Variants in GCN1 observed in about 807,000 individuals in gnomAD.
The protein encoded by GCN1 is stalled ribosome sensor GCN1.
GCN1 carries 90 observed loss-of-function variants against 288.4 expected under a neutral mutation model. The ratio of observed to expected loss-of-function variants is 0.31; its 90% CI spans 0.26 to 0.37. The LOEUF is 0.37. Among genes scored for constraint, GCN1 ranks in the 10% least tolerant of loss-of-function variants. The pLI, the probability that GCN1 is intolerant of heterozygous loss-of-function variation, is 1.00. For synonymous variants in GCN1, 1,386 were observed against 1,420.2 expected (o/e 0.98, Z 0.54); for missense variants, 2,586 against 3,419.9 (o/e 0.76, Z 6.08).
In GCN1 at chr12:120,177,492, T is replaced by A; in HGVS notation, c.793A>T (p.Thr265Ser). The change falls in exon 9 of 58, where the codon ACC becomes TCC. Residue 265 changes from threonine (T) to serine (S), a missense_variant. By Grantham distance (58) the Thr-to-Ser change is moderately conservative. This residue lies in a region of GCN1 where 913 missense variants were observed against 1,107.0 expected (regional missense o/e 0.82). Transcript: ENST00000300648. ...HSEFKDLILP[T>S]IQKSLLRSPE... ...CTCCTCAGTAAGGACTTCTGTATGG[T>A]GGGCAGTATCAGATCCTTAAATTCT... 1 of 1,609,754 alleles carries A rather than the reference T, an allele frequency of 6.2e-7. No homozygotes were observed. The highest frequency in any genetic ancestry group is 8.5e-7 in the Non-Finnish European group (1 of 1,176,034).
intron 18 of GCN1, 80 bp from the exon 19 acceptor site, chr12:120,163,339 C>T (rs1877993022): frequency 8.7e-7 from 1 of 1,147,448 alleles, no homozygotes. Context: ...GCTACGGACA[C>T]AGCGGCCCCT....
intron 16 of GCN1, among the ~76,000 whole-genome samples, chr12:120,165,634 ATT>A (rs962171504): frequency 6.9e-6 from 1 of 144,862 alleles, no homozygotes; most frequent in Admixed American, 6.9e-5. Context: ...AGCCTGGCTA[ATT>A]TTTTTTTTTC....
At position 120,151,381 on chromosome 12, in the gene GCN1, G is replaced by A. The variant is rs767503769; in HGVS notation, c.4073C>T (p.Ser1358Phe). 1 of 1,613,534 alleles carries A rather than the reference G, an allele frequency of 6.2e-7. No homozygotes were observed. The highest frequency in any genetic ancestry group is 1.7e-5 in the Admixed American group (1 of 60,026). Residue 1358 changes from serine (S) to phenylalanine (F), a missense_variant, in exon 34 of 58, where the codon TCC (serine) becomes TTC (phenylalanine). Around this residue, in one of 8 missense-constraint regions of GCN1, gnomAD observed 332 missense variants for 403.0 expected, o/e 0.82. Coordinates refer to ENST00000300648, the MANE Select transcript of GCN1 (RefSeq NM_006836.2). ...LSTPSQQVQE[S>F]VASCLPPLVP... is the part of the protein sequence containing the mutation. ...AAGGGGTGGCAAGCAGCTGGCTACG[G>A]ACTCCTGGACCTGGGGAAGGGCCCA...
chr12:120,148,297 C>T lies in GCN1; in HGVS notation c.4596G>A (p.Leu1532=), dbSNP rs747022465. 28 of 1,614,098 alleles carry T rather than the reference C, an allele frequency of 1.7e-5. No homozygotes were observed. The East Asian group carries it at 4.2e-4, about 24-fold the overall frequency. ...GCACAATGTTGGGTAGACAGGATGA[C>T]AGCTGCTTAGGAGCACAGTACGCCA... ...GAMAYCAPKQ[L]SSCLPNIVPK... is the part of the protein sequence containing the mutation. The change falls in exon 37 of 58, where the codon CTG becomes CTA. Residue 1532 remains leucine, a synonymous_variant. Coordinates refer to ENST00000300648, the MANE Select transcript of GCN1 (RefSeq NM_006836.2).
chr12:120,151,333 G>A lies in GCN1; in HGVS notation c.4121C>T (p.Ala1374Val). ...CATAAGCCTCTGGATCATCCCTCCA[G>A]CATCCTCCTTGATGGCTGGCACAAG... Reference protein sequence around the residue: ...PPLVPAIKEDAGGMIQRLMQQ... With the variant: ...PPLVPAIKEDVGGMIQRLMQQ... Residue 1374 changes from alanine (A) to valine (V), a missense_variant, in exon 34 of 58, where the codon GCT (alanine) becomes GTT (valine). Ala to Val is a moderately conservative substitution (Grantham distance 64). Transcript: ENST00000300648. 1 of 1,613,946 alleles carries A rather than the reference G, an allele frequency of 6.2e-7. No individual in the cohort carries two copies. The highest frequency in any genetic ancestry group is 8.5e-7 in the Non-Finnish European group (1 of 1,179,912).
chr12:120,152,386 C>T (rs1273393333), intron 33 of GCN1, among the ~76,000 whole-genome samples: 1 of 117,328 alleles, frequency 8.5e-6, no homozygotes, highest in African/African-American at 4.1e-5. Flanking sequence ...CACACACACA[C>T]GCGCACACAC....
Position 120,184,514 on chromosome 12 carries a change from G to A in GCN1, c.186-271C>T, listed in dbSNP as rs1274271239. 3.3e-5 allele frequency among the ~76,000 whole-genome samples: 5 copies of A among 152,304 alleles called. No homozygotes were observed. The South Asian group carries it at 1.0e-3, about 32-fold the overall frequency. On this transcript the variant is annotated intron_variant, in intron 3 of 57. Transcript: ENST00000300648. ...ATAAGGGTCTCAAAGTAGGCCAGACGATTTAACACACATGACTAAATGGCA... is the reference window on the plus strand; with the variant it reads ...ATAAGGGTCTCAAAGTAGGCCAGACAATTTAACACACATGACTAAATGGCA...
rs1203559213 is a variant in GCN1, at chr12:120,147,136, C to A, written c.4863G>T (p.Gln1621His). 6.2e-7 allele frequency: 1 copy of A among 1,612,550 alleles called. No homozygotes were observed. The highest frequency in any genetic ancestry group is 8.5e-7 in the Non-Finnish European group (1 of 1,179,102). Reference protein sequence around the residue: ...PSLALIMPIVQRAFQDRSTDT... With the variant: ...PSLALIMPIVHRAFQDRSTDT... Reference sequence around the variant, plus strand: ...CCGTGGAACGGTCCTGGAAGGCTCTCTGGACAATGGGCATGATGAGGGCCA... The same window carrying A: ...CCGTGGAACGGTCCTGGAAGGCTCTATGGACAATGGGCATGATGAGGGCCA... Residue 1621 changes from glutamine (Q) to histidine (H), a missense_variant, in exon 38 of 58, where the codon CAG becomes CAT. Coordinates refer to ENST00000300648, the MANE Select transcript of GCN1 (RefSeq NM_006836.2).
At chr12:120,174,292 T>C in intron 12 of GCN1, 123 bp from the exon 13 acceptor site, 1 of 651,230 alleles carries the variant, frequency 1.5e-6, no homozygotes, top group East Asian at 2.8e-5. Context: ...CAGGCATACC[T>C]CTCCTTTGGC....
intron 14 of GCN1, among the ~76,000 whole-genome samples, chr12:120,173,342 C>G (rs1024515467): frequency 4.6e-5 from 7 of 152,174 alleles, no homozygotes; most frequent in African/African-American, 1.7e-4. Flanking sequence ...GCCACCGCAC[C>G]CAGCCCTTAA....
chr12:120,147,905 C>A, intron 37 of GCN1, among the ~76,000 whole-genome samples: 1 of 152,216 alleles, frequency 6.6e-6, no homozygotes, highest in East Asian at 1.9e-4. Context: ...CAAGTTTTCA[C>A]AGGTCCTAAC....
At position 120,153,637 on chromosome 12, in the gene GCN1, A is replaced by G; in HGVS notation, c.3867+107T>C. 1 of 1,106,372 alleles carries G rather than the reference A, an allele frequency of 9.0e-7. No individual in the cohort carries two copies. 68.5% of individuals were successfully genotyped at this position (1,106,372 alleles called of 1,614,324 possible). On this transcript the variant is annotated intron_variant, in intron 32 of 57. Transcript: ENST00000300648. This position sits in a 1 kb window ranked among gnomAD's most constrained non-coding sequence, Gnocchi z 4.4. ...TGCTCTGCCAGGACTCTTGGCACTC[A>G]GCATTTCTGGCCCCTGCTCAGCCCT...
intron 16 of GCN1, among the ~76,000 whole-genome samples, chr12:120,165,020 CACACACACACACACACAT>C (rs1878064892): frequency 6.9e-6 from 1 of 145,448 alleles, no homozygotes; most frequent in Non-Finnish European, 1.5e-5. Flanking sequence ...CACACACACA[CACACACACACACACACAT>C]ATATATATAT....
In GCN1 at chr12:120,164,594, C is replaced by T. The variant is rs369131126; in HGVS notation, c.1688+52G>A. ...CCACACACCCTTTCTCGGGTTCCTGCCAGCCTTTGCCTCATTTGGCCCAAA... is the reference window on the plus strand; with the variant it reads ...CCACACACCCTTTCTCGGGTTCCTGTCAGCCTTTGCCTCATTTGGCCCAAA... On this transcript the variant is annotated intron_variant, in intron 17 of 57. Transcript: ENST00000300648. The T allele has an allele frequency of 3.1e-6, 5 of 1,596,794 alleles. No homozygotes were observed. In the African/African-American group the frequency reaches 5.4e-5, roughly 17 times the overall value.
intron 16 of GCN1, among the ~76,000 whole-genome samples, chr12:120,165,030 C>CACACAT (rs1555301733): frequency 0.012 from 1,694 of 145,700 alleles, 14 homozygotes; most frequent in Middle Eastern, 0.032. Flanking sequence ...CACACACACA[C>CACACAT]ACACACATAT....
chr12:120,174,314 T>G (rs1878404091), intron 12 of GCN1, 145 bp from the exon 13 acceptor site: 12 of 596,492 alleles, frequency 2.0e-5, no homozygotes, highest in East Asian at 6.1e-5. Context: ...ATTATTGATC[T>G]TCCTTCAATG....
chr12:120,133,176 T>C (rs571329359), intron 53 of GCN1, among the ~76,000 whole-genome samples: 1 of 152,288 alleles, frequency 6.6e-6, no homozygotes, highest in Admixed American at 6.5e-5. Context: ...CAAGTGTGTG[T>C]GTTGCAGGTG....
rs1877739790 is a variant in GCN1, at chr12:120,156,169, G to C, written c.3312+292C>G. Among the ~76,000 whole-genome samples the C allele has an allele frequency of 6.6e-6, 1 of 152,292 alleles. No homozygotes were observed. ...AAGAAAAACCAAGTACATGGCAGTG[G>C]GCTAAAGAATTGAACTCCTCCTGCA... On this transcript the variant is annotated intron_variant, in intron 28 of 57. Transcript: ENST00000300648. The surrounding 1 kb of genome is among the most constrained non-coding windows in gnomAD (Gnocchi z 5.8).
intron 1 of GCN1, among the ~76,000 whole-genome samples, chr12:120,192,722 A>C (rs1299453869): frequency 3.1e-5 from 4 of 127,676 alleles, no homozygotes; most frequent in Non-Finnish European, 4.8e-5. Context: ...ACAGAGCGAG[A>C]CTCCGTCTCG....
Sources: gnomAD v4.1 joint callset for allele counts (sites outside exome capture counted in the v4.1 genomes callset) on GRCh38, gnomAD v4.1.1 for gene constraint, gnomAD v4.1.1 regional missense constraint, Gnocchi (gnomAD v3.1) non-coding constraint, MANE v1.5 for transcripts, NCBI Gene and HGNC (gene_info 2026-07-23, HGNC 2026-07-21) for gene names.